Variants in CLCN5 observed in about 807,000 individuals in gnomAD.
The protein encoded by CLCN5 is H(+)/Cl(-) exchange transporter 5.
A neutral mutation model predicts 54.0 loss-of-function variants in CLCN5; 17 were observed. That is an observed-to-expected ratio of 0.31 (90% CI 0.22 to 0.47). The LOEUF is 0.47. Ranked by LOEUF, CLCN5 falls within the 20% of genes least tolerant of loss-of-function variation. The pLI, the probability that CLCN5 is intolerant of heterozygous loss-of-function variation, is 1.00. For missense variants in CLCN5, 448 were observed against 646.7 expected (o/e 0.69, Z 3.33); for synonymous variants, 222 against 233.0 (o/e 0.95, Z 0.43).
chrX:50,090,763 C>T lies in CLCN5; in HGVS notation c.2237C>T (p.Thr746Ile), dbSNP rs782447584. The part of the protein sequence containing the change: ...SPPLPPYTPP[T>I]LKLRNILDLS... ...CCATTGCCACCATACACTCCACCCA[C>T]TCTAAAGCTTCGGAACATCCTCGAT... Residue 746 changes from threonine (T) to isoleucine (I), a missense_variant, in exon 14 of 15, where the codon ACT (threonine) becomes ATT (isoleucine). Transcript: ENST00000376091. The T allele has an allele frequency of 1.7e-6, 2 of 1,211,155 alleles. No individual in the cohort carries two copies. The highest frequency in any genetic ancestry group is 1.8e-5 in the South Asian group (1 of 56,939).
Position 50,042,424 on chromosome X carries a change from T to C in CLCN5, c.125T>C (p.Met42Thr). The change falls in exon 4 of 15, where the codon ATG becomes ACG. Residue 42 changes from methionine (M) to threonine (T), a missense_variant. Physicochemically the swap from Met to Thr is moderately conservative, Grantham distance 81. Coordinates refer to ENST00000376091, the MANE Select transcript of CLCN5 (RefSeq NM_001127898.4). ...CCAGCAACCGCTATGGATTTCTCCA[T>C]GAGAGATGATGTTCCTCCCTTAGAC... is the stretch of plus-strand genomic sequence containing the variant. ...DIPATAMDFS[M>T]RDDVPPLDRE... 1.8e-6 allele frequency: 2 copies of C among 1,121,005 alleles called. No homozygotes were observed. Among genetic ancestry groups the C allele is most frequent in the Non-Finnish European group, 2.4e-6 (2 of 839,665 alleles). The allele number at this position is 1,121,005 out of a possible 1,213,427, so 92.4% of individuals were successfully genotyped here.
At chrX:49,994,621 C>T (rs1195584916) in intron 3 of CLCN5, among the ~76,000 whole-genome samples, 1 of 111,666 alleles carries the variant, frequency 9.0e-6, no homozygotes, top group Non-Finnish European at 1.9e-5. Flanking sequence ...CTCATTATAA[C>T]ACAACCTGCA....
chrX:50,047,641 T>C (rs1932439911), intron 4 of CLCN5, among the ~76,000 whole-genome samples: 1 of 111,842 alleles, frequency 8.9e-6, no homozygotes, highest in Non-Finnish European at 1.9e-5. Flanking sequence ...CAGGATACTA[T>C]ATTACATATT....
intron 5 of CLCN5, among the ~76,000 whole-genome samples, chrX:50,071,746 G>C (rs982224240): frequency 1.8e-5 from 2 of 111,948 alleles, no homozygotes; most frequent in Non-Finnish European, 3.8e-5. Context: ...ATAATTTATT[G>C]TCTGTGACGT....
chrX:50,036,292 A>G (rs1427175414), intron 3 of CLCN5, among the ~76,000 whole-genome samples: 2 of 112,468 alleles, frequency 1.8e-5, no homozygotes, highest in Admixed American at 1.9e-4. Flanking sequence ...TATATTCATA[A>G]CATCTGTTTT....
chrX:49,925,054 A>G (rs1925274926), intron 2 of CLCN5, 117 bp from the exon 3 acceptor site: 1 of 423,661 alleles, frequency 2.4e-6, no homozygotes. Context: ...GAAACTTGAC[A>G]CTACCCATGC....
intron 3 of CLCN5, among the ~76,000 whole-genome samples, chrX:50,034,987 C>T (rs1266775339): frequency 4.5e-5 from 5 of 111,469 alleles, no homozygotes; most frequent in Non-Finnish European, 9.4e-5. Flanking sequence ...ACTCCATTGA[C>T]TTACCAGGTC....
At chrX:50,043,073 C>T (rs1447550820) in intron 4 of CLCN5, among the ~76,000 whole-genome samples, 4 of 111,767 alleles carry the variant, frequency 3.6e-5, no homozygotes, top group African/African-American at 1.3e-4. Flanking sequence ...TGGCTAATGA[C>T]GTTGAATAGC....
At chrX:50,066,385 C>T (rs1225832530) in intron 4 of CLCN5, among the ~76,000 whole-genome samples, 3 of 111,345 alleles carry the variant, frequency 2.7e-5, no homozygotes, top group Non-Finnish European at 5.7e-5. Context: ...GCATACAGGT[C>T]CCATGCAGTG....
intron 3 of CLCN5, among the ~76,000 whole-genome samples, chrX:50,037,995 G>A (rs1932069008): frequency 9.0e-6 from 1 of 111,338 alleles, no homozygotes; most frequent in South Asian, 3.8e-4. Context: ...TGGAAGAAAT[G>A]GCTGATATTG....
intron 3 of CLCN5, among the ~76,000 whole-genome samples, chrX:50,015,047 T>A (rs782571992): frequency 1.1e-4 from 12 of 111,196 alleles, no homozygotes; most frequent in Non-Finnish European, 1.7e-4. Flanking sequence ...CCTACCTATA[T>A]GTATATATAT....
intron 3 of CLCN5, chrX:50,003,641 A>T (rs1557180971): frequency 6.5e-6 from 2 of 309,741 alleles, no homozygotes; most frequent in Non-Finnish European, 1.3e-5. Flanking sequence ...GCACTCCTTC[A>T]CCAAAAGAAA....
intron 7 of CLCN5, among the ~76,000 whole-genome samples, chrX:50,078,429 T>C (rs782363360): frequency 9.8e-5 from 11 of 112,046 alleles, no homozygotes; most frequent in Non-Finnish European, 2.1e-4. Flanking sequence ...CTTCCCTCCC[T>C]CAATGGCAAC....
rs1260179085 is a variant in CLCN5, at chrX:49,946,481, C to A, written c.16+21167C>A. 5.4e-5 allele frequency among the ~76,000 whole-genome samples: 6 copies of A among 112,011 alleles called. No homozygotes were observed. The East Asian group carries it at 1.7e-3, about 31-fold the overall frequency. On this transcript the variant is annotated intron_variant, in intron 3 of 14. Transcript: ENST00000376091. ...GCCCTCAGATCCTAGGGGCTGCCTGCAATTCCCTGTCACATGGTCTTTCCA... is the reference window on the plus strand; with the variant it reads ...GCCCTCAGATCCTAGGGGCTGCCTGAAATTCCCTGTCACATGGTCTTTCCA...
intron 4 of CLCN5, among the ~76,000 whole-genome samples, chrX:50,066,461 C>G (rs1423337542): frequency 9.0e-6 from 1 of 110,751 alleles, no homozygotes; most frequent in Non-Finnish European, 1.9e-5. Flanking sequence ...AGAATTGATG[C>G]AAGTAATACT....
chrX:50,025,750 C>G (rs983802207), intron 3 of CLCN5, among the ~76,000 whole-genome samples: 1 of 110,927 alleles, frequency 9.0e-6, no homozygotes, highest in Non-Finnish European at 1.9e-5. Flanking sequence ...AGTTCTCTGG[C>G]TCCCACCACC....
At chrX:49,945,154 C>T (rs1358661232) in intron 3 of CLCN5, among the ~76,000 whole-genome samples, 1 of 111,814 alleles carries the variant, frequency 8.9e-6, no homozygotes, top group Non-Finnish European at 1.9e-5. Flanking sequence ...AGTAGAGTCA[C>T]CCAGGAAGTA....
intron 3 of CLCN5, among the ~76,000 whole-genome samples, chrX:49,932,792 A>G (rs1557169052): frequency 8.9e-6 from 1 of 112,746 alleles, no homozygotes; most frequent in African/African-American, 3.2e-5. Context: ...GCTAAGTGTG[A>G]AAATAAGGCA....
intron 3 of CLCN5, among the ~76,000 whole-genome samples, chrX:50,031,003 A>G (rs1238343662): frequency 1.8e-5 from 2 of 111,460 alleles, no homozygotes; most frequent in African/African-American, 6.5e-5. Context: ...CTTGTCCTTG[A>G]TCCTCCAGGG....
Sources: allele counts gnomAD v4.1 joint callset (sites outside exome capture counted in the v4.1 genomes callset), GRCh38; gene constraint gnomAD v4.1.1; transcripts MANE v1.5; gene names NCBI Gene and HGNC (gene_info 2026-07-23, HGNC 2026-07-21).